C2orf78: variants seen among roughly 807,000 people sequenced by gnomAD.
The protein encoded by C2orf78 is uncharacterized protein C2orf78.
C2orf78 carries 12 observed loss-of-function variants against 21.4 expected under a neutral mutation model. The observed-to-expected ratio is 0.56, with a 90% CI of 0.36 to 0.91. The LOEUF (loss-of-function observed/expected upper bound fraction) is 0.91, where lower values mean the gene tolerates loss of function less well. Among genes scored for constraint, C2orf78 ranks in the 40% least tolerant of loss-of-function variants. C2orf78 has a pLI of 0.01. For missense variants in C2orf78, 1,042 were observed against 1,092.4 expected, an observed-to-expected ratio of 0.95 and a Z score of 0.65; for synonymous variants, 396 against 413.9, an observed-to-expected ratio of 0.96 and a Z score of 0.52.
exon 3 of C2orf78, chr2:73,816,291 A>G: frequency 6.2e-7 from 1 of 1,613,894 alleles, no homozygotes; most frequent in Non-Finnish European, 8.5e-7. Context: ...AATTCAAGTC[A>G]AGGCCCAGAA....
exon 3 of C2orf78, chr2:73,816,613 C>T: frequency 3.1e-6 from 5 of 1,613,002 alleles, no homozygotes; most frequent in Non-Finnish European, 4.2e-6. Context: ...CCCAGTTCAG[C>T]CAACCCTACC....
chr2:73,812,751 T>G (rs959179229), intron 1 of C2orf78, among the ~76,000 whole-genome samples: 16 of 152,082 alleles, frequency 1.1e-4, no homozygotes, highest in African/African-American at 3.9e-4. Context: ...AAGAAAACAT[T>G]TCTATCAGGT....
intron 2 of C2orf78, among the ~76,000 whole-genome samples, chr2:73,814,742 T>C (rs1486180306): frequency 6.6e-6 from 1 of 152,220 alleles, no homozygotes; most frequent in Non-Finnish European, 1.5e-5. Context: ...AAACTGTTCT[T>C]ATTCTCTCAG....
intron 1 of C2orf78, among the ~76,000 whole-genome samples, chr2:73,810,775 A>T (rs573077395): frequency 2.3e-3 from 290 of 125,392 alleles, no homozygotes; most frequent in Non-Finnish European, 3.9e-3. Context: ...TATATATATA[A>T]AATATACATG....
At position 73,815,051 on chromosome 2, in the gene C2orf78, C is replaced by T. The variant is rs762116732; in HGVS notation, c.848-20C>T. On this transcript the variant is annotated intron_variant, in intron 2 of 2. Coordinates refer to ENST00000409561, the Ensembl canonical transcript of C2orf78. ...CATCTCACTTACCAGGGACTGACTT[C>T]TTCCTTGATTCCTTTGTAGTGATGG... is the stretch of plus-strand genomic sequence containing the variant. The T allele has an allele frequency of 1.4e-5, 23 of 1,589,240 alleles. No homozygotes were observed. In the Admixed American group the frequency reaches 4.0e-4, roughly 28 times the overall value.
At chr2:73,811,487 G>A (rs1470343384) in intron 1 of C2orf78, among the ~76,000 whole-genome samples, 1 of 152,094 alleles carries the variant, frequency 6.6e-6, no homozygotes, top group African/African-American at 2.4e-5. Context: ...CAATACCTTT[G>A]CATGAAAAGT....
chr2:73,813,549 C>A (rs1259778489), exon 2 of C2orf78: 2 of 1,613,842 alleles, frequency 1.2e-6, no homozygotes, highest in Admixed American at 3.3e-5. Context: ...GTGAGCAATG[C>A]AGCTTTCTTA....
exon 3 of C2orf78, chr2:73,815,292 A>C (rs1673168302): frequency 6.2e-7 from 1 of 1,613,800 alleles, no homozygotes; most frequent in Non-Finnish European, 8.5e-7. Flanking sequence ...CCAGGAAAAA[A>C]ATGAGAATGA....
chr2:73,807,356 G>A, intron 1 of C2orf78, among the ~76,000 whole-genome samples: 1 of 34,050 alleles, frequency 2.9e-5, no homozygotes, highest in African/African-American at 1.7e-4. Context: ...TTGCACCCAA[G>A]CATGGCTGAC....
exon 3 of C2orf78, chr2:73,815,416 T>C (rs1457257623): frequency 6.2e-7 from 1 of 1,613,828 alleles, no homozygotes; most frequent in Non-Finnish European, 8.5e-7. Flanking sequence ...ATTCACCCGC[T>C]TCTGGCCTGC....
At chr2:73,785,799 C>T (rs1297819350) in intron 1 of C2orf78, among the ~76,000 whole-genome samples, 1 of 152,000 alleles carries the variant, frequency 6.6e-6, no homozygotes, top group Non-Finnish European at 1.5e-5. Flanking sequence ...GTAATCCCAG[C>T]ACTTTGGGAG....
chr2:73,814,941 G>T, intron 2 of C2orf78, 130 bp from the exon 3 acceptor site: 1 of 782,386 alleles, frequency 1.3e-6, no homozygotes, highest in African/African-American at 1.7e-5. Context: ...ACAGGGTCTT[G>T]CCCATGGTCC....
chr2:73,810,483 T>C (rs1427775951), intron 1 of C2orf78, among the ~76,000 whole-genome samples: 4 of 149,886 alleles, frequency 2.7e-5, no homozygotes, highest in East Asian at 1.9e-4. Context: ...GCCTAGATCA[T>C]GCCATTGCAC....
chr2:73,807,775 T>G (rs1672985033), intron 1 of C2orf78, among the ~76,000 whole-genome samples: 1 of 129,094 alleles, frequency 7.7e-6, no homozygotes, highest in African/African-American at 3.1e-5. Context: ...AATCAAGGGG[T>G]TAAAAATGGG....
rs1192194121 is a variant in C2orf78 at position 73,785,461 on chromosome 2, CT to C, written c.97+1059del. 2.9e-5 allele frequency among the ~76,000 whole-genome samples: 4 copies of C among 136,722 alleles called. No homozygotes were observed. In the Admixed American group the frequency reaches 3.0e-4, roughly 10 times the overall value. 89.7% of individuals were successfully genotyped at this position (136,722 alleles called of 152,430 possible). A position where few individuals can be genotyped will look rare whatever the true frequency, so the allele number is the denominator to read the frequency against. ...TTAAGCAGAAAGACATGGTCCCCTACTTTTCCCCTTGGGATATGCCCTGGAG... is the reference window on the plus strand; with the variant it reads ...TTAAGCAGAAAGACATGGTCCCCTACTTTCCCCTTGGGATATGCCCTGGAG... On this transcript the variant is annotated intron_variant, in intron 1 of 2. Transcript: ENST00000409561.
At chr2:73,807,658 A>G (rs564567484) in intron 1 of C2orf78, among the ~76,000 whole-genome samples, 1 of 85,194 alleles carries the variant, frequency 1.2e-5, no homozygotes, top group African/African-American at 5.2e-5. Flanking sequence ...CCGTTTTCCA[A>G]ACATCAGGAC....
rs550328361 is a variant in C2orf78 at position 73,816,612 on chromosome 2, G to A, written c.2389G>A (p.Ala797Thr). ...AGCCAAAGCAACCCAACCCAGTTCA[G>A]CCAACCCTACCCAGCCTACTGTCCC... Residue 797 changes from alanine to threonine, a missense_variant, in exon 3 of 3, where the codon GCC becomes ACC. Coordinates refer to ENST00000409561, the Ensembl canonical transcript of C2orf78. 2.3e-5 allele frequency: 37 copies of A among 1,613,012 alleles called. No individual in the cohort carries two copies. The South Asian group carries it at 4.1e-4, about 18-fold the overall frequency.
intron 1 of C2orf78, among the ~76,000 whole-genome samples, chr2:73,810,193 A>T (rs1466121731): frequency 5.9e-5 from 9 of 152,032 alleles, no homozygotes; most frequent in Admixed American, 6.6e-5. Context: ...TGCCTTTTTG[A>T]ACATAGATGA....
intron 2 of C2orf78, 40 bp from the exon 3 acceptor site, chr2:73,815,031 C>A: frequency 6.4e-7 from 1 of 1,564,958 alleles, no homozygotes; most frequent in Non-Finnish European, 8.7e-7. Context: ...GGGAGCATCT[C>A]ACTTACCAGG....
Sources: allele counts gnomAD v4.1 joint callset (sites outside exome capture counted in the v4.1 genomes callset), GRCh38; gene constraint gnomAD v4.1.1; transcripts MANE v1.5; gene names NCBI Gene and HGNC (gene_info 2026-07-23, HGNC 2026-07-21).